AP1M1: variants seen among roughly 807,000 people sequenced by gnomAD.
AP1M1 encodes adaptor related protein complex 1 subunit mu 1.
In AP1M1, 18 loss-of-function variants were observed where a neutral mutation model predicts 57.1. That is an observed-to-expected ratio of 0.32 (90% CI 0.22 to 0.47). The LOEUF is 0.47. AP1M1 is among the 20% of genes least tolerant of loss of function. The probability of loss-of-function intolerance (pLI) is 1.00; values close to 1 mark genes in which losing one functional copy is unlikely to be tolerated. For missense variants in AP1M1, 362 were observed against 593.5 expected (o/e 0.61, Z 4.05); for synonymous variants, 241 against 237.9 (o/e 1.01, Z -0.12).
chr19:16,233,413 C>T (rs1377264487), intron 9 of AP1M1, 80 bp from the exon 10 acceptor site: 4 of 1,451,488 alleles, frequency 2.8e-6, no homozygotes, highest in Admixed American at 2.5e-5. Context: ...TCAGTCTCTG[C>T]CCATCGCCAC....
intron 5 of AP1M1, among the ~76,000 whole-genome samples, chr19:16,219,367 G>A (rs1292877278): frequency 6.6e-6 from 1 of 151,144 alleles, no homozygotes; most frequent in Non-Finnish European, 1.5e-5. Flanking sequence ...TGGGACCCAG[G>A]TCCAAACGTG....
intron 5 of AP1M1, 66 bp from the exon 6 acceptor site, chr19:16,226,355 G>A: frequency 6.7e-7 from 1 of 1,493,462 alleles, no homozygotes; most frequent in Non-Finnish European, 9.0e-7. Context: ...AGGGTCACAT[G>A]ATGTGGTAGG....
rs540929325 is a variant in AP1M1, at chr19:16,218,163, GC to G, written c.547-8255del. Among the ~76,000 whole-genome samples, 337 of 152,376 alleles carry G rather than the reference GC, an allele frequency of 2.2e-3. 2 individuals carry two copies. Among genetic ancestry groups the G allele is most frequent in the African/African-American group, 7.9e-3 (328 of 41,596 alleles). On this transcript the variant is annotated intron_variant, in intron 5 of 11. Transcript: ENST00000291439. ...TCTGAGCTGCCGCTCTGGGCGCACT[GC>G]CCATGGGGTAGCCCCGCTCCATAGG...
At chr19:16,212,806 A>G (rs374032862) in intron 5 of AP1M1, among the ~76,000 whole-genome samples, 4 of 152,058 alleles carry the variant, frequency 2.6e-5, no homozygotes, top group East Asian at 1.9e-4. Context: ...CTTTGTTCTT[A>G]TTTGTTTCAA....
intron 5 of AP1M1, among the ~76,000 whole-genome samples, chr19:16,220,204 CA>C (rs925467192): frequency 6.6e-6 from 1 of 151,608 alleles, no homozygotes; most frequent in African/African-American, 2.4e-5. Flanking sequence ...CTATTAATTT[CA>C]AAAAAAAGTG....
rs991978535 is a variant in AP1M1, at chr19:16,210,382, G to A, written c.546+1205G>A. 38 of 718,436 alleles carry A rather than the reference G, an allele frequency of 5.3e-5. 1 individual carries two copies. In the Admixed American group the frequency reaches 5.4e-4, roughly 10 times the overall value. 44.5% of individuals were successfully genotyped at this position (718,436 alleles called of 1,614,324 possible). A position where few individuals can be genotyped will look rare whatever the true frequency, so the allele number is the denominator to read the frequency against. On this transcript the variant is annotated intron_variant, in intron 5 of 11. Coordinates refer to ENST00000291439, the MANE Select transcript of AP1M1 (RefSeq NM_032493.4). ...TAGGGTAAATACCCAGGAGTGGGATGGCTGGGTCACACGGTAAGTGTATGT... is the reference window on the plus strand; with the variant it reads ...TAGGGTAAATACCCAGGAGTGGGATAGCTGGGTCACACGGTAAGTGTATGT...
intron 1 of AP1M1, among the ~76,000 whole-genome samples, chr19:16,198,530 C>T (rs930835584): frequency 6.6e-6 from 1 of 152,210 alleles, no homozygotes; most frequent in Non-Finnish European, 1.5e-5. Flanking sequence ...CGTGCACTTT[C>T]TCTCAGTAGG....
chr19:16,212,705 ATCTT>A (rs1302194749), intron 5 of AP1M1, among the ~76,000 whole-genome samples: 3 of 152,046 alleles, frequency 2.0e-5, no homozygotes, highest in African/African-American at 7.3e-5. Context: ...TTAATTTGAG[ATCTT>A]TCTAACTTTT....
At position 16,228,746 on chromosome 19, in the gene AP1M1, G is replaced by A; in HGVS notation, c.889-24G>A. ...AGCTCACCTTGGCCTCCATAACCCC[G>A]GGCCGCATTGGCCTGGCCTGCAGGC... On this transcript the variant is annotated intron_variant, in intron 8 of 11. Coordinates refer to ENST00000291439, the MANE Select transcript of AP1M1 (RefSeq NM_032493.4). This position sits in a 1 kb window ranked among gnomAD's most constrained non-coding sequence, Gnocchi z 5.0. 6 of 1,612,172 alleles carry A rather than the reference G, an allele frequency of 3.7e-6. No individual in the cohort carries two copies. Among genetic ancestry groups the A allele is most frequent in the Non-Finnish European group, 5.1e-6 (6 of 1,179,228 alleles).
In AP1M1 at chr19:16,242,629, A is replaced by C. The variant is rs891076163; in HGVS notation, c.*8194A>C. The C allele has an allele frequency of 3.9e-5, 6 of 152,262 alleles. No homozygotes were observed. The highest frequency in any genetic ancestry group is 7.3e-5 in the Non-Finnish European group (5 of 68,046). The allele number at this position is 152,262 out of a possible 1,614,324, so 9.4% of individuals were successfully genotyped here. A position where few individuals can be genotyped will look rare whatever the true frequency, so the allele number is the denominator to read the frequency against. On this transcript the variant is annotated 3_prime_UTR_variant, in exon 12 of 12. Transcript: ENST00000291439. ...ACAATTGAAAGTAAAAAAACATTAAAAGATGTGACACTTAAAATATAAGCA... is the reference window on the plus strand; with the variant it reads ...ACAATTGAAAGTAAAAAAACATTAACAGATGTGACACTTAAAATATAAGCA...
In AP1M1 at chr19:16,209,159, C is replaced by T. The variant is rs772037968; in HGVS notation, c.528C>T (p.Ile176=). 5.6e-6 allele frequency: 9 copies of T among 1,614,190 alleles called. No individual in the cohort carries two copies. The highest frequency in any genetic ancestry group is 1.6e-4 in the Middle Eastern group (1 of 6,062). Residue 176 remains isoleucine, a synonymous_variant, in exon 5 of 12, where the codon ATC becomes ATT. Coordinates refer to ENST00000291439, the MANE Select transcript of AP1M1 (RefSeq NM_032493.4). ...YRKNEVFLDV[I]ESVNLLVSAN... Reference sequence around the variant, plus strand: ...AGAATGAGGTGTTCTTGGACGTCATCGAGTCTGTCAACCTCTTGGTAGGCC... The same window carrying T: ...AGAATGAGGTGTTCTTGGACGTCATTGAGTCTGTCAACCTCTTGGTAGGCC...
At chr19:16,199,039 C>T (rs548146669) in intron 1 of AP1M1, among the ~76,000 whole-genome samples, 2 of 152,236 alleles carry the variant, frequency 1.3e-5, no homozygotes, top group East Asian at 3.9e-4. Flanking sequence ...AACTCTTGAC[C>T]TCGAGTGATC....
rs2091476535 is a variant in AP1M1, at chr19:16,207,987, C to G, written c.268-32C>G. On this transcript the variant is annotated intron_variant, in intron 3 of 11. Coordinates refer to ENST00000291439, the MANE Select transcript of AP1M1 (RefSeq NM_032493.4). The surrounding 1 kb of genome is among the most constrained non-coding windows in gnomAD (Gnocchi z 4.2). ...CATCCGTCCGCTCAATGATCTGCCTCCCATTCCTCCCTCCCTCCCCAACCG... is the reference window on the plus strand; with the variant it reads ...CATCCGTCCGCTCAATGATCTGCCTGCCATTCCTCCCTCCCTCCCCAACCG... The G allele has an allele frequency of 2.5e-6, 4 of 1,597,196 alleles. No individual in the cohort carries two copies. The highest frequency in any genetic ancestry group is 3.4e-6 in the Non-Finnish European group (4 of 1,172,018).
Position 16,208,132 on chromosome 19 carries a change from C to T in AP1M1, c.381C>T (p.Asp127=), listed in dbSNP as rs776427192. 7.4e-6 allele frequency: 12 copies of T among 1,613,120 alleles called. No individual in the cohort carries two copies. In the Admixed American group the frequency reaches 1.8e-4, roughly 25 times the overall value. Residue 127 remains aspartate (D), a synonymous_variant, in exon 4 of 12, where the codon GAC becomes GAT. Transcript: ENST00000291439. Reference sequence around the variant, plus strand: ...ACTTCGGCTACCCCCAGACCACCGACAGCAAGATCCTGCAGGAGTGAGTGG... The same window carrying T: ...ACTTCGGCTACCCCCAGACCACCGATAGCAAGATCCTGCAGGAGTGAGTGG... The part of the protein sequence containing the change: ...LMDFGYPQTT[D]SKILQEYITQ...
chr19:16,218,087 C>G (rs1263056238), intron 5 of AP1M1, among the ~76,000 whole-genome samples: 1 of 152,226 alleles, frequency 6.6e-6, no homozygotes, highest in Non-Finnish European at 1.5e-5. Flanking sequence ...TAAACTGCCC[C>G]TTAATTTGCA....
chr19:16,198,205 T>A, intron 1 of AP1M1, 137 bp downstream of exon 1: 1 of 856,448 alleles, frequency 1.2e-6, no homozygotes, highest in Non-Finnish European at 1.7e-6. Flanking sequence ...AGACCTCACC[T>A]GAGAGCCCCA....
chr19:16,197,929 T>G lies in AP1M1; in HGVS notation c.-98T>G. On this transcript the variant is annotated 5_prime_UTR_variant, in exon 1 of 12. Coordinates refer to ENST00000291439, the MANE Select transcript of AP1M1 (RefSeq NM_032493.4). ...CCGAACCGGAAGTGGAGGTGAGCTGTCGCGGGCGGCGCCCGGCCTTGCTCA... is the reference window on the plus strand; with the variant it reads ...CCGAACCGGAAGTGGAGGTGAGCTGGCGCGGGCGGCGCCCGGCCTTGCTCA... 1.9e-6 allele frequency: 2 copies of G among 1,037,972 alleles called. No homozygotes were observed. Among genetic ancestry groups the G allele is most frequent in the Non-Finnish European group, 1.3e-6 (1 of 761,716 alleles). 64.3% of individuals were successfully genotyped at this position (1,037,972 alleles called of 1,614,324 possible). A position where few individuals can be genotyped will look rare whatever the true frequency, so the allele number is the denominator to read the frequency against.
At chr19:16,226,032 C>T (rs1034119436) in intron 5 of AP1M1, among the ~76,000 whole-genome samples, 4 of 152,094 alleles carry the variant, frequency 2.6e-5, no homozygotes, top group Non-Finnish European at 4.4e-5. Flanking sequence ...CGGGCCGGCC[C>T]GGAGCATTCA....
chr19:16,217,889 T>C (rs965113343), intron 5 of AP1M1, among the ~76,000 whole-genome samples: 1 of 152,102 alleles, frequency 6.6e-6, no homozygotes, highest in African/African-American at 2.4e-5. Context: ...GAGGTGAGGC[T>C]TGGACACCAG....
Sources: allele counts gnomAD v4.1 joint callset (sites outside exome capture counted in the v4.1 genomes callset), GRCh38; gene constraint gnomAD v4.1.1; non-coding constraint Gnocchi (gnomAD v3.1); transcripts MANE v1.5; gene names NCBI Gene and HGNC (gene_info 2026-07-23, HGNC 2026-07-21).